Variants in SCPEP1 observed in about 807,000 individuals in gnomAD.
The protein encoded by SCPEP1 is retinoid-inducible serine carboxypeptidase.
In SCPEP1, 51 loss-of-function variants were observed where a neutral mutation model predicts 63.8. The observed-to-expected ratio is 0.80, with a 90% CI of 0.64 to 1.01. The LOEUF is 1.01. Ranked by LOEUF, SCPEP1 falls within the 50% of genes least tolerant of loss-of-function variation. The pLI, the probability that SCPEP1 is intolerant of heterozygous loss-of-function variation, is 0.00. For missense variants in SCPEP1, 499 were observed against 554.9 expected (o/e 0.90, Z 1.01); for synonymous variants, 204 against 207.8 (o/e 0.98, Z 0.16).
rs1251256325 is a variant in SCPEP1, at chr17:56,993,612, GT to G, written c.620-1364del. ...GTGCCCACCACTACGCCTGGCTAAT[GT>G]TTTTGGTATTTTTAGTAGAGATGGG... On this transcript the variant is annotated intron_variant, in intron 6 of 12. Coordinates refer to ENST00000262288, the MANE Select transcript of SCPEP1 (RefSeq NM_021626.3). Among the ~76,000 whole-genome samples the G allele has an allele frequency of 7.2e-5, 11 of 152,052 alleles. 1 individual carries two copies. The highest frequency in any genetic ancestry group is 2.7e-4 in the African/African-American group (11 of 41,418).
chr17:56,992,297 G>T (rs1040890381), intron 6 of SCPEP1, among the ~76,000 whole-genome samples: 2 of 152,100 alleles, frequency 1.3e-5, no homozygotes, highest in African/African-American at 4.8e-5. Flanking sequence ...CATCTGCAGG[G>T]TAGGACTGAA....
intron 8 of SCPEP1, 57 bp from the exon 9 acceptor site, chr17:56,996,905 G>T: frequency 2.6e-6 from 3 of 1,161,590 alleles, no homozygotes; most frequent in Non-Finnish European, 3.8e-6. Flanking sequence ...CCTTCTGTTT[G>T]GCAGCTTTGA....
rs762274682 is a variant in SCPEP1, at chr17:56,995,611, G to A, written c.762G>A (p.Gly254=). The A allele has an allele frequency of 1.2e-6, 2 of 1,613,862 alleles. No individual in the cohort carries two copies. Among genetic ancestry groups the A allele is most frequent in the Non-Finnish European group, 1.7e-6 (2 of 1,179,974 alleles). The change falls in exon 8 of 13, where the codon GGG becomes GGA. Residue 254 remains glycine, a synonymous_variant. Coordinates refer to ENST00000262288, the MANE Select transcript of SCPEP1 (RefSeq NM_021626.3). The part of the protein sequence containing the change: ...GLYREATELW[G]KAEMIIEQNT... ...ACAGAGAGGCCACAGAGCTGTGGGG[G>A]AAAGCAGAAATGATCATTGAACAGG... is the stretch of plus-strand genomic sequence containing the variant.
At chr17:56,986,998 T>G (rs7209525) in intron 3 of SCPEP1, 25,627 of 152,126 alleles carry the variant, frequency 0.17, 2,375 homozygotes, top group African/African-American at 0.24. Context: ...CCACCCCCAT[T>G]GTCCCCAAGC....
intron 10 of SCPEP1, 86 bp downstream of exon 10, chr17:56,998,584 G>T: frequency 9.7e-7 from 1 of 1,029,628 alleles, no homozygotes; most frequent in Non-Finnish European, 1.5e-6. Context: ...TTGTAGGGTG[G>T]GTTTTGTTGT....
Position 56,986,467 on chromosome 17 carries a change from C to T in SCPEP1, c.315+1000C>T, listed in dbSNP as rs957382048. Among the ~76,000 whole-genome samples, 6 of 152,258 alleles carry T rather than the reference C, an allele frequency of 3.9e-5. No individual in the cohort carries two copies. The East Asian group carries it at 9.7e-4, about 25-fold the overall frequency. ...ACTCTTGACCTCGTGATCCACCTGC[C>T]TCAGCTTCCCAAAGTGCTGGGATTA... On this transcript the variant is annotated intron_variant, in intron 3 of 12. Coordinates refer to ENST00000262288, the MANE Select transcript of SCPEP1 (RefSeq NM_021626.3).
Position 56,981,079 on chromosome 17 carries a change from C to T in SCPEP1, c.77-3C>T. 6.2e-7 allele frequency: 1 copy of T among 1,614,090 alleles called. No individual in the cohort carries two copies. Among genetic ancestry groups the T allele is most frequent in the Non-Finnish European group, 8.5e-7 (1 of 1,179,970 alleles). ...GGAGAGTGAAATTGAACTTCTGTTTCAGGAGCTGTCATTGACTGGCCCACA... is the reference window on the plus strand; with the variant it reads ...GGAGAGTGAAATTGAACTTCTGTTTTAGGAGCTGTCATTGACTGGCCCACA... On this transcript the variant is annotated splice_region_variant and splice_polypyrimidine_tract_variant and intron_variant, in intron 1 of 12. Transcript: ENST00000262288.
At chr17:56,989,668 C>T (rs535595719) in intron 5 of SCPEP1, among the ~76,000 whole-genome samples, 5 of 152,132 alleles carry the variant, frequency 3.3e-5, no homozygotes, top group South Asian at 4.2e-4. Context: ...TGGATCCAGG[C>T]GGGCGCGGTG....
At chr17:56,978,375 T>C in intron 1 of SCPEP1, 140 bp downstream of exon 1, 1 of 992,326 alleles carries the variant, frequency 1.0e-6, no homozygotes, top group Non-Finnish European at 1.3e-6. Flanking sequence ...CTTTTGAATC[T>C]CACTCTTTTT....
chr17:56,987,722 G>C lies in SCPEP1; in HGVS notation c.343G>C (p.Asp115His). The change falls in exon 4 of 13, where the codon GAT (aspartate) becomes CAT (histidine). Residue 115 changes from aspartate (D) to histidine (H), a missense_variant. Asp to His is a moderately conservative substitution (Grantham distance 81). Coordinates refer to ENST00000262288, the MANE Select transcript of SCPEP1 (RefSeq NM_021626.3). ...WLQAASLLFV[D>H]NPVGTGFSYV... ...CCAGGCTGCCAGTCTCCTATTTGTG[G>C]ATAATCCCGTGGGCACTGGGTTCAG... The C allele has an allele frequency of 6.2e-7, 1 of 1,614,012 alleles. No homozygotes were observed. Among genetic ancestry groups the C allele is most frequent in the African/African-American group, 1.3e-5 (1 of 75,008 alleles).
intron 6 of SCPEP1, among the ~76,000 whole-genome samples, chr17:56,991,849 G>A (rs377000850): frequency 6.6e-6 from 1 of 152,216 alleles, no homozygotes; most frequent in East Asian, 1.9e-4. Context: ...ATTATCAGCA[G>A]CATCCTTGGC....
chr17:56,996,578 G>A (rs1824671123), intron 8 of SCPEP1, among the ~76,000 whole-genome samples: 1 of 151,310 alleles, frequency 6.6e-6, no homozygotes, highest in Non-Finnish European at 1.5e-5. Context: ...GTAGTGCAGT[G>A]GCCCGATCTC....
Position 57,006,156 on chromosome 17 carries a change from ATGT to A in SCPEP1, c.1297-12_1297-10del, listed in dbSNP as rs760596270. ...AATAGCACCAGGAGCACTAACTCAG[ATGT>A]TGTTTTTTTCTAGGTTCCTTCTGAC... On this transcript the variant is annotated splice_polypyrimidine_tract_variant and intron_variant, in intron 12 of 12. Coordinates refer to ENST00000262288, the MANE Select transcript of SCPEP1 (RefSeq NM_021626.3). 81 of 1,603,660 alleles carry A rather than the reference ATGT, an allele frequency of 5.1e-5. No individual in the cohort carries two copies. In the Middle Eastern group the frequency reaches 1.0e-3, roughly 20 times the overall value.
At chr17:56,998,308 T>C in intron 9 of SCPEP1, 77 bp from the exon 10 acceptor site, 1 of 899,420 alleles carries the variant, frequency 1.1e-6, no homozygotes, top group Non-Finnish European at 1.7e-6. Flanking sequence ...AGATTCTGTC[T>C]CAAAAAAAAA....
chr17:56,980,168 GCACTGGTGTGATCA>G (rs1911027932), intron 1 of SCPEP1, among the ~76,000 whole-genome samples: 1 of 152,150 alleles, frequency 6.6e-6, no homozygotes. Context: ...AGGCTGGAGT[GCACTGGTGTGATCA>G]CAGCTCACTG....
At chr17:56,986,221 CTTTT>C (rs869281244) in intron 3 of SCPEP1, among the ~76,000 whole-genome samples, 2 of 142,158 alleles carry the variant, frequency 1.4e-5, no homozygotes, top group African/African-American at 5.1e-5. Context: ...GCTTTCTGCT[CTTTT>C]TTTTTTTTTT....
intron 12 of SCPEP1, among the ~76,000 whole-genome samples, chr17:57,004,509 C>G (rs1247628311): frequency 6.6e-6 from 1 of 152,174 alleles, no homozygotes; most frequent in Non-Finnish European, 1.5e-5. Flanking sequence ...TTAGAGCAAG[C>G]ACTGTTACAG....
In SCPEP1 at chr17:56,987,702, C is replaced by A. The variant is rs376039843; in HGVS notation, c.323C>A (p.Ala108Asp). Residue 108 changes from alanine to aspartate, a missense_variant, in exon 4 of 13, where the codon GCT becomes GAT. Transcript: ENST00000262288. ...LKPRKTTWLQ[A>D]ASLLFVDNPV... is the part of the protein sequence containing the mutation. Reference sequence around the variant, plus strand: ...TTCCTCCGTGGTACATAGCTCCAGGCTGCCAGTCTCCTATTTGTGGATAAT... The same window carrying A: ...TTCCTCCGTGGTACATAGCTCCAGGATGCCAGTCTCCTATTTGTGGATAAT... 7.2e-5 allele frequency: 116 copies of A among 1,613,332 alleles called. No homozygotes were observed. Among genetic ancestry groups the A allele is most frequent in the Non-Finnish European group, 8.6e-5 (102 of 1,179,782 alleles).
At chr17:56,981,268 A>G in intron 2 of SCPEP1, 38 bp downstream of exon 2, 3 of 1,612,164 alleles carry the variant, frequency 1.9e-6, no homozygotes, top group Non-Finnish European at 2.5e-6. Context: ...GGTCAAAGCC[A>G]AGTCTCCTCT....
Sources: allele counts gnomAD v4.1 joint callset (sites outside exome capture counted in the v4.1 genomes callset), GRCh38; gene constraint gnomAD v4.1.1; transcripts MANE v1.5; gene names NCBI Gene and HGNC (gene_info 2026-07-23, HGNC 2026-07-21).